BFAR: variants seen among roughly 807,000 people sequenced by gnomAD.
BFAR encodes the protein RING finger protein 47.
A neutral mutation model predicts 54.4 loss-of-function variants in BFAR; 52 were observed. The ratio of observed to expected loss-of-function variants is 0.96; its 90% CI spans 0.77 to 1.21. BFAR has a LOEUF of 1.21. Among genes scored for constraint, BFAR ranks in the 50% most tolerant of loss-of-function variants. The probability of loss-of-function intolerance (pLI) is 0.00; values close to 1 mark genes in which losing one functional copy is unlikely to be tolerated. For synonymous variants in BFAR, 215 were observed against 204.3 expected, an observed-to-expected ratio of 1.05 and a Z score of -0.45; for missense variants, 571 against 534.0, an observed-to-expected ratio of 1.07 and a Z score of -0.68.
At chr16:14,658,175 T>C (rs542957355) in intron 5 of BFAR, among the ~76,000 whole-genome samples, 290 of 152,306 alleles carry the variant, frequency 1.9e-3, no homozygotes, top group Non-Finnish European at 2.5e-3. Flanking sequence ...AGGAAAAGAC[T>C]GGCAGGCAGC....
At chr16:14,653,737 T>A (rs1187755796) in intron 4 of BFAR, among the ~76,000 whole-genome samples, 1 of 152,174 alleles carries the variant, frequency 6.6e-6, no homozygotes, top group Non-Finnish European at 1.5e-5. Flanking sequence ...AGACAGAGTC[T>A]CTTTCTGTCA....
In BFAR at chr16:14,668,016, A is replaced by T; in HGVS notation, c.*189A>T. 1.6e-6 allele frequency: 1 copy of T among 609,154 alleles called. No homozygotes were observed. The highest frequency in any genetic ancestry group is 2.8e-6 in the Non-Finnish European group (1 of 351,382). The allele number at this position is 609,154 out of a possible 1,614,324, so 37.7% of individuals were successfully genotyped here. ...GTGGGTGGCACGAGCAAGGACTGAC[A>T]TCCGCACAGGGAGGATTGTCTGTTT... On this transcript the variant is annotated 3_prime_UTR_variant, in exon 8 of 8. Transcript: ENST00000261658.
At chr16:14,660,836 C>T (rs963254189) in intron 5 of BFAR, among the ~76,000 whole-genome samples, 3 of 151,614 alleles carry the variant, frequency 2.0e-5, no homozygotes, top group Non-Finnish European at 4.4e-5. Flanking sequence ...GGGAGGTAGA[C>T]GTTGCAGTGA....
At chr16:14,661,584 G>A (rs369018515) in intron 5 of BFAR, among the ~76,000 whole-genome samples, 1 of 151,630 alleles carries the variant, frequency 6.6e-6, no homozygotes, top group African/African-American at 2.4e-5. Context: ...TTTATTTGTA[G>A]TACAGACAGC....
At chr16:14,650,232 A>G in intron 4 of BFAR, 1 of 302,322 alleles carries the variant, frequency 3.3e-6, no homozygotes, top group Admixed American at 5.1e-5. Flanking sequence ...CGGGAGGCTG[A>G]GACAGGAGAA....
chr16:14,658,778 T>C (rs1326563877), intron 5 of BFAR, among the ~76,000 whole-genome samples: 3 of 151,890 alleles, frequency 2.0e-5, no homozygotes, highest in African/African-American at 7.3e-5. Flanking sequence ...TTACCCTCAC[T>C]ATCTGCCTAA....
At chr16:14,659,240 TTTTGTTTTTTG>T (rs1960219604) in intron 5 of BFAR, among the ~76,000 whole-genome samples, 3 of 147,766 alleles carry the variant, frequency 2.0e-5, no homozygotes, top group Non-Finnish European at 4.5e-5. Flanking sequence ...TTTTGTTTTT[TTTTGTTTTTTG>T]TTTTTTTTTG....
intron 1 of BFAR, among the ~76,000 whole-genome samples, chr16:14,635,721 A>C (rs1050255688): frequency 1.3e-5 from 2 of 152,038 alleles, no homozygotes; most frequent in African/African-American, 4.8e-5. Context: ...TTGAAAACTC[A>C]ATGTTTTATA....
chr16:14,644,061 G>A (rs1427527348), intron 1 of BFAR, among the ~76,000 whole-genome samples: 1 of 151,616 alleles, frequency 6.6e-6, no homozygotes, highest in Non-Finnish European at 1.5e-5. Flanking sequence ...TACTGGGGAG[G>A]CTGAGGCAGG....
rs558723934 is a variant in BFAR, at chr16:14,655,104, C to T, written c.677C>T (p.Thr226Met). ...TTGACAGAGGAAGAATTTTCCAAGA[C>T]GCCCTATACCATAGAAAACAGCAGC... The part of the protein sequence containing the change: ...LTLTEEEFSK[T>M]PYTIENSSHR... Residue 226 changes from threonine to methionine, a missense_variant, in exon 5 of 8, where the codon ACG becomes ATG. Thr to Met is a moderately conservative substitution (Grantham distance 81). Coordinates refer to ENST00000261658, the MANE Select transcript of BFAR (RefSeq NM_016561.3). 8.7e-6 allele frequency: 14 copies of T among 1,610,116 alleles called. No individual in the cohort carries two copies. Among genetic ancestry groups the T allele is most frequent in the Admixed American group, 3.4e-5 (2 of 59,058 alleles).
chr16:14,644,097 A>T (rs1959709248), intron 1 of BFAR, among the ~76,000 whole-genome samples, 177 bp from the exon 2 acceptor site: 1 of 148,158 alleles, frequency 6.7e-6, no homozygotes, highest in Non-Finnish European at 1.5e-5. Context: ...TGGGAGGTGG[A>T]GGTTGCAGTG....
At chr16:14,654,130 G>T (rs1960053298) in intron 4 of BFAR, among the ~76,000 whole-genome samples, 1 of 149,624 alleles carries the variant, frequency 6.7e-6, no homozygotes, top group South Asian at 2.1e-4. Context: ...TTCTGCCTCA[G>T]CCTCCCGAGT....
At chr16:14,655,342 G>C (rs1207074947) in intron 5 of BFAR, 132 bp downstream of exon 5, 1 of 837,170 alleles carries the variant, frequency 1.2e-6, no homozygotes, top group African/African-American at 1.8e-5. Context: ...TTTATTTTGA[G>C]ACAGAGTCCT....
intron 5 of BFAR, among the ~76,000 whole-genome samples, 161 bp downstream of exon 5, chr16:14,655,371 G>A (rs954397764): frequency 2.0e-5 from 3 of 150,960 alleles, no homozygotes; most frequent in African/African-American, 2.4e-5. Context: ...GCCCAGGCTG[G>A]AGTGCAATGG....
chr16:14,663,436 A>G (rs1205696075), intron 6 of BFAR, among the ~76,000 whole-genome samples: 1 of 151,652 alleles, frequency 6.6e-6, no homozygotes, highest in Non-Finnish European at 1.5e-5. Context: ...GGTTCATGCC[A>G]TTCTCCTGCC....
In BFAR at chr16:14,667,867, C is replaced by T. The variant is rs751466007; in HGVS notation, c.*40C>T. ...GCTGAGACTCTTCAAGTCCCGCTGA[C>T]GTCTGAGCTTTGATGCTTAAGAGGG... On this transcript the variant is annotated 3_prime_UTR_variant, in exon 8 of 8. Transcript: ENST00000261658. 14 of 1,581,436 alleles carry T rather than the reference C, an allele frequency of 8.9e-6. No homozygotes were observed. Among genetic ancestry groups the T allele is most frequent in the South Asian group, 3.3e-5 (3 of 89,900 alleles).
intron 1 of BFAR, chr16:14,643,907 ATC>A (rs1275111837): frequency 1.3e-5 from 2 of 159,514 alleles, no homozygotes; most frequent in African/African-American, 4.8e-5. Context: ...CATGCCTGTA[ATC>A]TCAGCACTTT....
rs181750334 is a variant in BFAR, at chr16:14,645,161, A to T, written c.263+552A>T. ...AGTCCTTATCTCTATAGAAAGTTTTAAAAATTAGCCAGGTGTGGTGGTACA... is the reference window on the plus strand; with the variant it reads ...AGTCCTTATCTCTATAGAAAGTTTTTAAAATTAGCCAGGTGTGGTGGTACA... On this transcript the variant is annotated intron_variant, in intron 2 of 7. Transcript: ENST00000261658. Among the ~76,000 whole-genome samples the T allele has an allele frequency of 9.4e-3, 1,426 of 152,172 alleles. 8 individuals carry two copies. Among genetic ancestry groups the T allele is most frequent in the Middle Eastern group, 0.02 (6 of 294 alleles).
At chr16:14,657,642 A>G (rs1049777952) in intron 5 of BFAR, among the ~76,000 whole-genome samples, 1 of 152,108 alleles carries the variant, frequency 6.6e-6, no homozygotes, top group Non-Finnish European at 1.5e-5. Flanking sequence ...TTCCAGGTTC[A>G]AGCAATTCTC....
Sources: allele counts gnomAD v4.1 joint callset (sites outside exome capture counted in the v4.1 genomes callset), GRCh38; gene constraint gnomAD v4.1.1; transcripts MANE v1.5; gene names NCBI Gene and HGNC (gene_info 2026-07-23, HGNC 2026-07-21).